Variants in RIMBP2 observed in about 807,000 individuals in gnomAD.
The protein encoded by RIMBP2 is RIMS binding protein 2, also known as RIMS-binding protein 2.
Under a neutral mutation model 118.6 loss-of-function variants are expected in RIMBP2, and 48 were observed. That is an observed-to-expected ratio of 0.40 (90% CI 0.32 to 0.51). RIMBP2 has a LOEUF of 0.51. RIMBP2 is among the 20% of genes least tolerant of loss of function. RIMBP2 has a pLI of 0.41. For synonymous variants in RIMBP2, 762 were observed against 742.9 expected (o/e 1.03, Z -0.42); for missense variants, 1,551 against 1,768.3 (o/e 0.88, Z 2.20).
At chr12:130,656,228 AG>A (rs1321137724) in intron 1 of RIMBP2, among the ~76,000 whole-genome samples, 2 of 152,184 alleles carry the variant, frequency 1.3e-5, no homozygotes, top group Non-Finnish European at 2.9e-5. Flanking sequence ...GGACCCGGCA[AG>A]AATCACAAGG....
chr12:130,439,565 G>A (rs1463593565), intron 11 of RIMBP2, among the ~76,000 whole-genome samples: 1 of 136,742 alleles, frequency 7.3e-6, no homozygotes, highest in African/African-American at 2.8e-5. Context: ...GTGTCCATGG[G>A]TGTATGTGGG....
chr12:130,459,418 G>C (rs889838456), intron 6 of RIMBP2, among the ~76,000 whole-genome samples: 2 of 152,148 alleles, frequency 1.3e-5, no homozygotes, highest in African/African-American at 4.8e-5. Context: ...CCACCACCGG[G>C]AAGCAGGAAG....
chr12:130,422,407 A>G lies in RIMBP2; in HGVS notation c.3238+46T>C, dbSNP rs201670792. 305 of 1,370,818 alleles carry G rather than the reference A, an allele frequency of 2.2e-4. 4 individuals carry two copies. The highest frequency in any genetic ancestry group is 1.9e-3 in the Middle Eastern group (9 of 4,728). The allele number at this position is 1,370,818 out of a possible 1,614,324, so 84.9% of individuals were successfully genotyped here. ...ATGCTTAGATGGAGTAAGCAGCCAC[A>G]TGCTCCGCGGCTGAAAGACACAACA... On this transcript the variant is annotated intron_variant, in intron 17 of 22. Coordinates refer to ENST00000690449, the MANE Select transcript of RIMBP2 (RefSeq NM_001393629.1). This position sits in a 1 kb window ranked among gnomAD's most constrained non-coding sequence, Gnocchi z 5.2.
intron 4 of RIMBP2, among the ~76,000 whole-genome samples, chr12:130,484,842 C>T (rs559089774): frequency 3.9e-5 from 6 of 152,232 alleles, no homozygotes; most frequent in African/African-American, 1.2e-4. Context: ...GATACTGGCC[C>T]GCTGTGTGGT....
chr12:130,664,446 C>CACAT (rs71088776), intron 1 of RIMBP2, among the ~76,000 whole-genome samples: 1 of 73,238 alleles, frequency 1.4e-5, no homozygotes, highest in Non-Finnish European at 3.5e-5. Flanking sequence ...CACGCACACA[C>CACAT]GCACACACAT....
intron 2 of RIMBP2, among the ~76,000 whole-genome samples, chr12:130,556,316 A>C (rs2056352731): frequency 1.3e-5 from 2 of 152,206 alleles, no homozygotes; most frequent in African/African-American, 4.8e-5. Flanking sequence ...CCAATGGATC[A>C]AGGTGGTTTC....
chr12:130,495,217 C>T (rs1179723076), intron 4 of RIMBP2, among the ~76,000 whole-genome samples: 1 of 152,168 alleles, frequency 6.6e-6, no homozygotes, highest in Non-Finnish European at 1.5e-5. Context: ...CCTCTACATG[C>T]CCTGAAATGA....
chr12:130,608,518 G>A (rs866609573), intron 2 of RIMBP2, among the ~76,000 whole-genome samples: 4 of 152,194 alleles, frequency 2.6e-5, no homozygotes, highest in Non-Finnish European at 5.9e-5. Context: ...GGAAGTCTCA[G>A]CTCCCCAGAG....
chr12:130,592,040 A>C (rs1368207600), intron 2 of RIMBP2, among the ~76,000 whole-genome samples: 1 of 152,190 alleles, frequency 6.6e-6, no homozygotes, highest in East Asian at 1.9e-4. Flanking sequence ...GAGAGCTCAA[A>C]GCTGGGTCAA....
At chr12:130,564,292 TTCC>T (rs1420775091) in intron 2 of RIMBP2, among the ~76,000 whole-genome samples, 3 of 150,148 alleles carry the variant, frequency 2.0e-5, no homozygotes, top group Non-Finnish European at 3.0e-5. Flanking sequence ...AGATGTCCCC[TTCC>T]TCCTTATTTT....
chr12:130,452,915 G>A (rs139752062), intron 7 of RIMBP2, among the ~76,000 whole-genome samples: 330 of 152,276 alleles, frequency 2.2e-3, no homozygotes, highest in African/African-American at 7.5e-3. Context: ...CGTAATCCCC[G>A]TGGCAGCTTT....
intron 10 of RIMBP2, among the ~76,000 whole-genome samples, chr12:130,443,473 C>T (rs1201304203): frequency 1.3e-5 from 2 of 152,140 alleles, no homozygotes; most frequent in Non-Finnish European, 2.9e-5. Flanking sequence ...TCCACCAATT[C>T]ATCACAAGGT....
At chr12:130,598,680 A>T (rs1371818504) in intron 2 of RIMBP2, among the ~76,000 whole-genome samples, 1 of 151,990 alleles carries the variant, frequency 6.6e-6, no homozygotes, top group Non-Finnish European at 1.5e-5. Flanking sequence ...GTGAGCCAAG[A>T]TCATGCCACT....
chr12:130,638,459 G>T (rs2062449416), intron 1 of RIMBP2, among the ~76,000 whole-genome samples: 1 of 152,234 alleles, frequency 6.6e-6, no homozygotes, highest in Non-Finnish European at 1.5e-5. Flanking sequence ...AGCCTGTTAG[G>T]AACGAGGCCG....
chr12:130,574,457 G>A (rs1026143597), intron 2 of RIMBP2, among the ~76,000 whole-genome samples: 1 of 152,184 alleles, frequency 6.6e-6, no homozygotes, highest in African/African-American at 2.4e-5. Context: ...TGACATGAGA[G>A]AATTCTGGGG....
intron 1 of RIMBP2, among the ~76,000 whole-genome samples, chr12:130,646,442 G>GCCTCA (rs2062973419): frequency 2.2e-4 from 1 of 4,622 alleles, no homozygotes. Flanking sequence ...CACCTCCCTT[G>GCCTCA]CCACCTCCCT....
rs1215916789 is a variant in RIMBP2, at chr12:130,628,311, GGAC to G, written c.-217+8_-217+10del. ...GGAATACTGCTTCTGAGAAAAGAAA[GGAC>G]GACTTACCACAAAGTTTCTCTGCTG... On this transcript the variant is annotated splice_region_variant and intron_variant, in intron 2 of 22. Transcript: ENST00000690449. 2.0e-5 allele frequency: 3 copies of G among 152,168 alleles called. No homozygotes were observed. The highest frequency in any genetic ancestry group is 4.4e-5 in the Non-Finnish European group (3 of 68,040). The allele number at this position is 152,168 out of a possible 1,614,324, so 9.4% of individuals were successfully genotyped here.
rs898833660 is a variant in RIMBP2 at position 130,578,418 on chromosome 12, G to A, written c.-217+49904C>T. On this transcript the variant is annotated intron_variant, in intron 2 of 22. Transcript: ENST00000690449. The surrounding 1 kb of genome is among the most constrained non-coding windows in gnomAD (Gnocchi z 4.1). ...AAGTGCAAACCTGCCTGACATCCAA[G>A]ACCTTCTGCAGCTTTGCCCCTGCCT... is the stretch of plus-strand genomic sequence containing the variant. 3.9e-5 allele frequency among the ~76,000 whole-genome samples: 6 copies of A among 152,162 alleles called. No homozygotes were observed. Among genetic ancestry groups the A allele is most frequent in the African/African-American group, 1.4e-4 (6 of 41,436 alleles).
intron 1 of RIMBP2, among the ~76,000 whole-genome samples, chr12:130,677,484 TCA>T: frequency 1.3e-5 from 2 of 151,824 alleles, no homozygotes; most frequent in Non-Finnish European, 2.9e-5. Flanking sequence ...AAAAATTAGC[TCA>T]GGGTGGTGGC....
Sources: allele counts gnomAD v4.1 joint callset (sites outside exome capture counted in the v4.1 genomes callset), GRCh38; gene constraint gnomAD v4.1.1; non-coding constraint Gnocchi (gnomAD v3.1); transcripts MANE v1.5; gene names NCBI Gene and HGNC (gene_info 2026-07-23, HGNC 2026-07-21).